CHTF18: variants seen among roughly 807,000 people sequenced by gnomAD.
CHTF18 encodes chromosome transmission fidelity factor 18.
A neutral mutation model predicts 113.4 loss-of-function variants in CHTF18; 151 were observed. The observed-to-expected ratio is 1.33, with a 90% CI of 1.17 to 1.52. CHTF18 has a LOEUF of 1.52. CHTF18 is among the 40% of genes most tolerant of loss of function. The pLI, the probability that CHTF18 is intolerant of heterozygous loss-of-function variation, is 0.00. For missense variants in CHTF18, 1,982 were observed against 1,381.6 expected, an observed-to-expected ratio of 1.43 and a Z score of -6.89; for synonymous variants, 916 against 598.8, an observed-to-expected ratio of 1.53 and a Z score of -7.74.
intron 14 of CHTF18, chr16:793,822 T>C (rs1279520391): frequency 6.2e-6 from 4 of 643,930 alleles, no homozygotes; most frequent in Admixed American, 2.5e-5. Context: ...CCCCAGAGGG[T>C]CAGGGCAGGG....
Position 788,913 on chromosome 16 carries a change from A to G in CHTF18, c.92-18A>G. ...CTGCTGTCTCGGGGCGGCCGCTGAC[A>G]ATCTCCTCTCCCAGCAGGGGCGTCG... On this transcript the variant is annotated intron_variant, in intron 1 of 21. Coordinates refer to ENST00000262315, the MANE Select transcript of CHTF18 (RefSeq NM_022092.3). The G allele has an allele frequency of 1.3e-6, 2 of 1,523,976 alleles. No homozygotes were observed. The highest frequency in any genetic ancestry group is 1.2e-5 in the South Asian group (1 of 81,716). The allele number at this position is 1,523,976 out of a possible 1,614,324, so 94.4% of individuals were successfully genotyped here. A position where few individuals can be genotyped will look rare whatever the true frequency, so the allele number is the denominator to read the frequency against.
In CHTF18 at chr16:792,435, C is replaced by G; in HGVS notation, c.1327-4C>G. ...ACTCACCGTGTCCTCTGACCTCCCC[C>G]AAGGCCGCCATCAACGTCCTCCTGA... On this transcript the variant is annotated splice_region_variant and splice_polypyrimidine_tract_variant and intron_variant, in intron 10 of 21. Transcript: ENST00000262315. The G allele has an allele frequency of 6.4e-7, 1 of 1,560,456 alleles. No homozygotes were observed. The highest frequency in any genetic ancestry group is 1.2e-5 in the South Asian group (1 of 85,226).
rs1319694882 is a variant in CHTF18 at position 790,028 on chromosome 16, A to AT, written c.607-147dup. On this transcript the variant is annotated intron_variant, in intron 4 of 21. Coordinates refer to ENST00000262315, the MANE Select transcript of CHTF18 (RefSeq NM_022092.3). Reference sequence around the variant, plus strand: ...GCAGCTGACCCATCTGGATGGCTTCATTCCTTTGGCACCCCTGTCCAGTCT... The same window carrying AT: ...GCAGCTGACCCATCTGGATGGCTTCATTTCCTTTGGCACCCCTGTCCAGTCT... 10 of 1,535,578 alleles carry AT rather than the reference A, an allele frequency of 6.5e-6. No homozygotes were observed. In the African/African-American group the frequency reaches 1.4e-4, roughly 21 times the overall value.
At chr16:796,686 A>C in intron 18 of CHTF18, 31 bp from the exon 19 acceptor site, 2 of 1,560,262 alleles carry the variant, frequency 1.3e-6, no homozygotes, top group Non-Finnish European at 1.7e-6. Context: ...GGCCCCGCTG[A>C]CCTGCCCTGG....
chr16:790,170 C>A lies in CHTF18; in HGVS notation c.607-7C>A. ...GCCCAGAGGCAATTGTCCTCCCTTCCCCACAGGGCTCTCTCCTCCACGTCC... is the reference window on the plus strand; with the variant it reads ...GCCCAGAGGCAATTGTCCTCCCTTCACCACAGGGCTCTCTCCTCCACGTCC... On this transcript the variant is annotated splice_polypyrimidine_tract_variant and splice_region_variant and intron_variant, in intron 4 of 21. Coordinates refer to ENST00000262315, the MANE Select transcript of CHTF18 (RefSeq NM_022092.3). The A allele has an allele frequency of 6.3e-7, 1 of 1,589,136 alleles. No individual in the cohort carries two copies. Among genetic ancestry groups the A allele is most frequent in the Non-Finnish European group, 8.6e-7 (1 of 1,168,962 alleles).
In CHTF18 at chr16:792,537, C is replaced by T. The variant is rs1047657507; in HGVS notation, c.1425C>T (p.Arg475=). Residue 475 remains arginine, a synonymous_variant, in exon 11 of 22, where the codon CGC becomes CGT. Transcript: ENST00000262315. Reference sequence around the variant, plus strand: ...TGCCTTCGGGAGGCGGCCGACGGCGCCGGGCAGAGGGGGGGCTCCTCATGA... The same window carrying T: ...TGCCTTCGGGAGGCGGCCGACGGCGTCGGGCAGAGGGGGGGCTCCTCATGA... ...PAVPSGGGRR[R]RAEGGLLMRP... is the part of the protein sequence containing the mutation. 23 of 1,597,202 alleles carry T rather than the reference C, an allele frequency of 1.4e-5. No homozygotes were observed. The highest frequency in any genetic ancestry group is 1.9e-5 in the Non-Finnish European group (22 of 1,175,244).
chr16:791,547 A>C, intron 8 of CHTF18, 177 bp downstream of exon 8: 2 of 1,434,820 alleles, frequency 1.4e-6, no homozygotes, highest in East Asian at 2.5e-5. Context: ...ACTCGGGGGA[A>C]GTCGTTGTCC....
intron 14 of CHTF18, 62 bp downstream of exon 14, chr16:793,336 C>T (rs2042254128): frequency 1.9e-6 from 3 of 1,575,858 alleles, no homozygotes; most frequent in Admixed American, 3.6e-5. Context: ...GGACGCTAGC[C>T]CTGTGTGCAG....
chr16:790,991 T>C (rs1019505749), intron 7 of CHTF18, 170 bp from the exon 8 acceptor site: 27 of 1,452,158 alleles, frequency 1.9e-5, no homozygotes, highest in Non-Finnish European at 2.7e-6. Context: ...GCCGTGGGGG[T>C]GGAGCCCCTG....
At chr16:794,238 C>T (rs768772394) in intron 15 of CHTF18, 37 bp downstream of exon 15, 1 of 1,600,970 alleles carries the variant, frequency 6.2e-7, no homozygotes, top group Non-Finnish European at 8.5e-7. Flanking sequence ...CCTGGGGCCG[C>T]CTGGCTAGGA....
chr16:789,949 C>CT (rs11425062), intron 4 of CHTF18: 396,532 of 1,524,770 alleles, frequency 0.26, 58,275 homozygotes, highest in East Asian at 0.58. Context: ...CTTGCTTCCC[C>CT]TCCTGCTTTT....
In CHTF18 at chr16:797,971, T is replaced by C. The variant is rs766251512; in HGVS notation, c.2924T>C (p.Leu975Pro). The C allele has an allele frequency of 1.2e-6, 2 of 1,610,528 alleles. No homozygotes were observed. Among genetic ancestry groups the C allele is most frequent in the Non-Finnish European group, 1.7e-6 (2 of 1,178,520 alleles). Residue 975 changes from leucine to proline, a missense_variant, in exon 22 of 22, where the codon CTC (leucine) becomes CCC (proline). Physicochemically the swap from Leu to Pro is moderately conservative, Grantham distance 98 (BLOSUM62 -3). Coordinates refer to ENST00000262315, the MANE Select transcript of CHTF18 (RefSeq NM_022092.3). ...CGCAGCCTGTACATCAGGGACTTGCTCTAGTTCTCTGAGCCGCGGACATGC... is the reference window on the plus strand; with the variant it reads ...CGCAGCCTGTACATCAGGGACTTGCCCTAGTTCTCTGAGCCGCGGACATGC... ...VRRSLYIRDLL is the reference protein window; with the variant it reads ...VRRSLYIRDLP
rs1417603437 is a variant in CHTF18, at chr16:795,169, A to T, written c.1988A>T (p.Asp663Val). 23 of 1,555,590 alleles carry T rather than the reference A, an allele frequency of 1.5e-5. No individual in the cohort carries two copies. The highest frequency in any genetic ancestry group is 2.0e-5 in the Non-Finnish European group (23 of 1,150,200). The change falls in exon 16 of 22, where the codon GAC becomes GTC. Residue 663 changes from aspartate (D) to valine (V), a missense_variant. Transcript: ENST00000262315. ...AACTTCCTGCGTCTGCGGCTGCGAG[A>T]CTCCAGCCTGGGTGCTGTGTGTGTG... The part of the protein sequence containing the change: ...FDNFLRLRLR[D>V]SSLGAVCVAL...
chr16:793,967 ATGGGGCCTCTGAG>A, intron 14 of CHTF18, 74 bp from the exon 15 acceptor site: 1 of 1,465,968 alleles, frequency 6.8e-7, no homozygotes, highest in Non-Finnish European at 9.3e-7. Context: ...GGCAGCTCTG[ATGGGGCCTCTGAG>A]TGTCCCGGGG....
In CHTF18 at chr16:791,994, T is replaced by C. The variant is rs751739227; in HGVS notation, c.1202+46T>C. Reference sequence around the variant, plus strand: ...CTCTGGCTCGCCTTCTGTCCTGACGTGTTTGAGTTCTGGTGGCGGACCTGA... The same window carrying C: ...CTCTGGCTCGCCTTCTGTCCTGACGCGTTTGAGTTCTGGTGGCGGACCTGA... On this transcript the variant is annotated intron_variant, in intron 9 of 21. Transcript: ENST00000262315. 8 of 1,569,048 alleles carry C rather than the reference T, an allele frequency of 5.1e-6. No individual in the cohort carries two copies. The Admixed American group carries it at 5.7e-5, about 11-fold the overall frequency.
At chr16:792,403 G>C in intron 10 of CHTF18, 36 bp from the exon 11 acceptor site, 1 of 1,561,574 alleles carries the variant, frequency 6.4e-7, no homozygotes, top group Non-Finnish European at 8.7e-7. Flanking sequence ...CGGGCAGCAG[G>C]GCCTGGACTC....
In CHTF18 at chr16:795,217, A is replaced by G; in HGVS notation, c.2036A>G (p.Asp679Gly). The change falls in exon 16 of 22, where the codon GAT becomes GGT. Residue 679 changes from aspartate (D) to glycine (G), a missense_variant. Asp to Gly is a moderately conservative substitution (Grantham distance 94). Transcript: ENST00000262315. Reference protein sequence around the residue: ...VCVALDWLAFDDLLAGAAHHS... With the variant: ...VCVALDWLAFGDLLAGAAHHS... ...GTGGCCCTCGACTGGCTGGCCTTCG[A>G]TGACCTGCTGGCGGGGGCTGCTCAT... 1 of 1,554,458 alleles carries G rather than the reference A, an allele frequency of 6.4e-7. No individual in the cohort carries two copies. Among genetic ancestry groups the G allele is most frequent in the South Asian group, 1.2e-5 (1 of 84,530 alleles).
intron 1 of CHTF18, 55 bp from the exon 2 acceptor site, chr16:788,876 C>A (rs2151638513): frequency 6.6e-7 from 1 of 1,504,132 alleles, no homozygotes; most frequent in East Asian, 2.6e-5. Flanking sequence ...TCCACGTCGC[C>A]GCTGGCGGGA....
At chr16:796,465 C>G (rs762682732) in intron 18 of CHTF18, 2 of 583,024 alleles carry the variant, frequency 3.4e-6, no homozygotes, top group Non-Finnish European at 6.0e-6. Flanking sequence ...TTGCAGGACG[C>G]TGAGTCACTC....
Sources: allele counts gnomAD v4.1 joint callset, GRCh38; gene constraint gnomAD v4.1.1; transcripts MANE v1.5; gene names NCBI Gene and HGNC (gene_info 2026-07-23, HGNC 2026-07-21).